Variants in NLGN1 observed in about 807,000 individuals in gnomAD.
NLGN1 encodes neuroligin-1.
Under a neutral mutation model 65.5 loss-of-function variants are expected in NLGN1, and 12 were observed. The ratio of observed to expected loss-of-function variants is 0.18; its 90% confidence interval spans 0.12 to 0.30. The LOEUF (loss-of-function observed/expected upper bound fraction) is 0.30, where lower values mean the gene tolerates loss of function less well. Among genes scored for constraint, NLGN1 ranks in the 10% least tolerant of loss-of-function variants. NLGN1 has a pLI of 1.00. For missense variants in NLGN1, 750 were observed against 1,007.1 expected (o/e 0.74, Z 3.46); for synonymous variants, 350 against 359.5 (o/e 0.97, Z 0.30).
chr3:173,675,205 C>T (rs1577890717), intron 3 of NLGN1, among the ~76,000 whole-genome samples: 1 of 152,088 alleles, frequency 6.6e-6, no homozygotes, highest in East Asian at 1.9e-4. Context: ...GAATTGATTG[C>T]ACTGATGTCT....
chr3:173,547,756 T>C (rs1180800083), intron 2 of NLGN1, among the ~76,000 whole-genome samples: 1 of 152,126 alleles, frequency 6.6e-6, no homozygotes, highest in African/African-American at 2.4e-5. Flanking sequence ...TCCCAGGCTA[T>C]CAGCAATCAG....
intron 4 of NLGN1, among the ~76,000 whole-genome samples, chr3:173,914,682 G>T (rs1207264322): frequency 6.6e-6 from 1 of 152,074 alleles, no homozygotes; most frequent in South Asian, 2.1e-4. Flanking sequence ...AAGCCCCAAG[G>T]CACAGGGACA....
intron 3 of NLGN1, among the ~76,000 whole-genome samples, chr3:173,664,950 T>G (rs1414071561): frequency 6.6e-6 from 1 of 152,156 alleles, no homozygotes; most frequent in East Asian, 1.9e-4. Flanking sequence ...TCAGGGGTAA[T>G]GATTTGAATG....
intron 4 of NLGN1, among the ~76,000 whole-genome samples, chr3:173,982,975 T>G (rs1719094009): frequency 1.3e-5 from 2 of 152,126 alleles, no homozygotes; most frequent in African/African-American, 4.8e-5. Context: ...ATAGAATGAG[T>G]ATGATAGAGT....
intron 2 of NLGN1, among the ~76,000 whole-genome samples, chr3:173,458,100 A>G (rs948426469): frequency 6.6e-6 from 1 of 152,014 alleles, no homozygotes; most frequent in Non-Finnish European, 1.5e-5. Flanking sequence ...TGGAAAGTAG[A>G]AGAGGAGTAA....
chr3:173,660,671 G>A (rs1305423533), intron 3 of NLGN1, among the ~76,000 whole-genome samples: 1 of 151,818 alleles, frequency 6.6e-6, no homozygotes, highest in African/African-American at 2.4e-5. Context: ...GACAAAAACT[G>A]CTTTAATGTA....
intron 3 of NLGN1, among the ~76,000 whole-genome samples, chr3:173,699,245 G>A (rs545845518): frequency 6.6e-6 from 1 of 152,052 alleles, no homozygotes; most frequent in African/African-American, 2.4e-5. Context: ...TTTTAATATG[G>A]TTTACCAAGC....
At chr3:173,896,141 G>A (rs1736316317) in intron 4 of NLGN1, among the ~76,000 whole-genome samples, 1 of 152,184 alleles carries the variant, frequency 6.6e-6, no homozygotes, top group Non-Finnish European at 1.5e-5. Context: ...GCTAGGTAGT[G>A]TGCTTGATTT....
intron 4 of NLGN1, among the ~76,000 whole-genome samples, chr3:174,117,215 CA>C (rs369227549): frequency 0.19 from 25,868 of 136,992 alleles, 2,588 homozygotes; most frequent in African/African-American, 0.3. Context: ...AGGCATCTAT[CA>C]AAAAAAAAAA....
intron 3 of NLGN1, among the ~76,000 whole-genome samples, chr3:173,723,725 G>A (rs936333653): frequency 6.6e-6 from 1 of 152,136 alleles, no homozygotes; most frequent in African/African-American, 2.4e-5. Context: ...AGTCAGAGAA[G>A]GGTGTTGAGA....
intron 4 of NLGN1, among the ~76,000 whole-genome samples, chr3:174,252,546 G>A (rs1744976318): frequency 6.6e-6 from 1 of 151,788 alleles, no homozygotes; most frequent in Non-Finnish European, 1.5e-5. Flanking sequence ...GAAAAACTAG[G>A]GTCCTAACCA....
At chr3:173,417,963 T>G (rs975716470) in intron 1 of NLGN1, among the ~76,000 whole-genome samples, 1 of 151,736 alleles carries the variant, frequency 6.6e-6, no homozygotes, top group African/African-American at 2.4e-5. Context: ...AAAAAAACAA[T>G]TGAGCAGATA....
At chr3:174,120,181 G>A (rs1410085406) in intron 4 of NLGN1, among the ~76,000 whole-genome samples, 6 of 152,032 alleles carry the variant, frequency 3.9e-5, no homozygotes, top group African/African-American at 1.4e-4. Flanking sequence ...TACATAGCAA[G>A]TATTGAAAAA....
At chr3:173,659,342 A>G (rs1260345062) in intron 3 of NLGN1, among the ~76,000 whole-genome samples, 2 of 151,984 alleles carry the variant, frequency 1.3e-5, no homozygotes, top group Non-Finnish European at 2.9e-5. Context: ...CTTTTTTCAA[A>G]TGAACAAATT....
intron 4 of NLGN1, among the ~76,000 whole-genome samples, chr3:173,878,144 C>T (rs1158713458): frequency 4.6e-5 from 7 of 152,010 alleles, no homozygotes; most frequent in South Asian, 2.1e-4. Context: ...CGGGTTCAAG[C>T]GATTCTCCTG....
intron 4 of NLGN1, among the ~76,000 whole-genome samples, chr3:174,192,287 A>C (rs1732544552): frequency 1.3e-5 from 2 of 152,134 alleles, no homozygotes; most frequent in Non-Finnish European, 2.9e-5. Context: ...ATTTACTCTA[A>C]ATTTATTATT....
intron 4 of NLGN1, among the ~76,000 whole-genome samples, chr3:174,204,131 C>G (rs919575185): frequency 1.3e-5 from 2 of 152,038 alleles, no homozygotes; most frequent in Non-Finnish European, 2.9e-5. Flanking sequence ...GTGTTTTTCT[C>G]CAAATCTTTT....
chr3:173,444,559 A>AT lies in NLGN1; in HGVS notation c.-321+9481_-321+9482insT, dbSNP rs1355618881. Among the ~76,000 whole-genome samples, 12 of 152,276 alleles carry AT rather than the reference A, an allele frequency of 7.9e-5. No individual in the cohort carries two copies. In the East Asian group the frequency reaches 2.1e-3, roughly 27 times the overall value. The stretch of plus-strand genomic sequence containing the variant: ...TGTGTGGATTTTGGTCTTTCAAAAA[A>AT]ATATATATATTCACTATTTTACTTT... On this transcript the variant is annotated intron_variant, in intron 2 of 6. Transcript: ENST00000457714.
At chr3:173,531,080 GA>G (rs1410751508) in intron 2 of NLGN1, among the ~76,000 whole-genome samples, 1 of 151,966 alleles carries the variant, frequency 6.6e-6, no homozygotes, top group African/African-American at 2.4e-5. Flanking sequence ...TACTTTATTA[GA>G]AAAAATTTAT....
Sources: gnomAD v4.1 joint callset for allele counts (sites outside exome capture counted in the v4.1 genomes callset) on GRCh38, gnomAD v4.1.1 for gene constraint, MANE v1.5 for transcripts, NCBI Gene and HGNC (gene_info 2026-07-23, HGNC 2026-07-21) for gene names.